Variants in NAALADL2 observed in about 807,000 individuals in gnomAD.
The protein encoded by NAALADL2 is N-acetylated alpha-linked acidic dipeptidase like 2.
In NAALADL2, 76 loss-of-function variants were observed where a neutral mutation model predicts 87.2. The ratio of observed to expected loss-of-function variants is 0.87; its 90% CI spans 0.72 to 1.05. The LOEUF (loss-of-function observed/expected upper bound fraction) is 1.05, where lower values mean the gene tolerates loss of function less well. Among genes scored for constraint, NAALADL2 ranks in the 50% least tolerant of loss-of-function variants. The pLI is 0.00. For missense variants in NAALADL2, 1,089 were observed against 945.8 expected, an observed-to-expected ratio of 1.15 and a Z score of -1.99; for synonymous variants, 354 against 331.0, an observed-to-expected ratio of 1.07 and a Z score of -0.75.
At chr3:175,359,540 T>G (rs968989354) in intron 5 of NAALADL2, among the ~76,000 whole-genome samples, 2 of 152,092 alleles carry the variant, frequency 1.3e-5, no homozygotes, top group African/African-American at 4.8e-5. Context: ...AATAATGACA[T>G]TTTTAATTCA....
intron 1 of NAALADL2, among the ~76,000 whole-genome samples, chr3:174,465,862 C>T (rs546173840): frequency 7.9e-5 from 12 of 152,064 alleles, no homozygotes; most frequent in African/African-American, 2.9e-4. Flanking sequence ...TTAATACCTC[C>T]ATTAGCCAGT....
chr3:175,217,285 G>A (rs779295447), intron 2 of NAALADL2, among the ~76,000 whole-genome samples: 9 of 152,156 alleles, frequency 5.9e-5, no homozygotes, highest in Non-Finnish European at 1.0e-4. Flanking sequence ...GAAACATGGA[G>A]GAAAGCTCGC....
At chr3:174,486,958 A>G (rs903240428) in intron 1 of NAALADL2, among the ~76,000 whole-genome samples, 4 of 151,982 alleles carry the variant, frequency 2.6e-5, no homozygotes, top group Non-Finnish European at 4.4e-5. Context: ...TTTTGGCCAT[A>G]GTCATTAATT....
chr3:175,632,306 CTCT>C (rs1560885071), intron 11 of NAALADL2, among the ~76,000 whole-genome samples: 2 of 142,424 alleles, frequency 1.4e-5, no homozygotes, highest in African/African-American at 2.7e-5. Flanking sequence ...CTCTCTCTCT[CTCT>C]CCTACTCCCT....
intron 11 of NAALADL2, 132 bp from the exon 12 acceptor site, chr3:175,737,174 T>C: frequency 1.8e-6 from 1 of 566,436 alleles, no homozygotes; most frequent in Non-Finnish European, 3.1e-6. Flanking sequence ...AAAGAGATTT[T>C]ATAAAACTAT....
chr3:175,245,407 A>G (rs935805588), intron 3 of NAALADL2, among the ~76,000 whole-genome samples: 2 of 152,194 alleles, frequency 1.3e-5, no homozygotes, highest in Non-Finnish European at 2.9e-5. Context: ...ATGGAAATGA[A>G]ATCCTGACAA....
At chr3:175,438,338 C>A (rs1034709710) in intron 5 of NAALADL2, among the ~76,000 whole-genome samples, 4 of 151,998 alleles carry the variant, frequency 2.6e-5, no homozygotes, top group Admixed American at 2.0e-4. Context: ...AAATGACTAA[C>A]CAATTTAGTG....
chr3:175,718,968 A>AT (rs1405648989), intron 11 of NAALADL2, among the ~76,000 whole-genome samples: 3 of 152,252 alleles, frequency 2.0e-5, no homozygotes, highest in East Asian at 1.9e-4. Flanking sequence ...CTAGCATTGA[A>AT]TTTTTTAAAG....
At chr3:175,640,982 CA>C (rs1466925627) in intron 11 of NAALADL2, among the ~76,000 whole-genome samples, 1 of 152,150 alleles carries the variant, frequency 6.6e-6, no homozygotes, top group East Asian at 1.9e-4. Context: ...CATTCTTTAG[CA>C]AATGACTGAG....
intron 2 of NAALADL2, among the ~76,000 whole-genome samples, chr3:174,678,602 G>A (rs990297838): frequency 6.6e-6 from 1 of 152,034 alleles, no homozygotes; most frequent in Non-Finnish European, 1.5e-5. Flanking sequence ...AAACATTTGA[G>A]TACTTTTCCA....
chr3:175,016,005 A>C (rs1407619180), intron 1 of NAALADL2, among the ~76,000 whole-genome samples: 2 of 151,676 alleles, frequency 1.3e-5, no homozygotes, highest in African/African-American at 4.8e-5. Flanking sequence ...TTTTCTTTGC[A>C]TTATAAATCC....
chr3:174,555,751 T>C (rs1027626812), intron 2 of NAALADL2, among the ~76,000 whole-genome samples: 3 of 152,208 alleles, frequency 2.0e-5, no homozygotes, highest in Non-Finnish European at 4.4e-5. Flanking sequence ...CTTCTGGGTA[T>C]AGGGGATGAC....
At chr3:174,729,461 TA>T (rs1164394413) in intron 2 of NAALADL2, among the ~76,000 whole-genome samples, 2 of 152,004 alleles carry the variant, frequency 1.3e-5, no homozygotes, top group Non-Finnish European at 2.9e-5. Context: ...TGGATTTAAG[TA>T]ATTAATGAAT....
chr3:175,213,986 G>C (rs1435848953), intron 2 of NAALADL2, among the ~76,000 whole-genome samples: 1 of 152,060 alleles, frequency 6.6e-6, no homozygotes, highest in South Asian at 2.1e-4. Flanking sequence ...TAATGGTTTT[G>C]TTAAAGTAAC....
intron 9 of NAALADL2, among the ~76,000 whole-genome samples, chr3:175,485,475 A>C (rs940481692): frequency 3.3e-5 from 5 of 152,294 alleles, no homozygotes; most frequent in African/African-American, 1.2e-4. Flanking sequence ...TGGGAGTCCC[A>C]AAACCTCAAA....
At chr3:174,588,650 C>T (rs914973666) in intron 2 of NAALADL2, among the ~76,000 whole-genome samples, 1 of 152,150 alleles carries the variant, frequency 6.6e-6, no homozygotes, top group Non-Finnish European at 1.5e-5. Context: ...CACTCCAGAC[C>T]CTGTTTGCCT....
At chr3:175,168,966 G>A (rs1290445407) in intron 2 of NAALADL2, among the ~76,000 whole-genome samples, 1 of 151,704 alleles carries the variant, frequency 6.6e-6, no homozygotes, top group Non-Finnish European at 1.5e-5. Context: ...TAGAGGAAGA[G>A]CAAAACAGGA....
At chr3:174,955,276 C>T (rs563201003) in intron 1 of NAALADL2, among the ~76,000 whole-genome samples, 3 of 152,046 alleles carry the variant, frequency 2.0e-5, no homozygotes, top group South Asian at 4.1e-4. Context: ...CTACCAATTT[C>T]CATAGTTATT....
intron 1 of NAALADL2, among the ~76,000 whole-genome samples, chr3:174,938,212 C>T (rs568471973): frequency 1.1e-4 from 17 of 151,950 alleles, no homozygotes; most frequent in Non-Finnish European, 2.1e-4. Flanking sequence ...GTGTCTGTTG[C>T]TTTATTCTTT....
Sources: gnomAD v4.1 joint callset for allele counts (sites outside exome capture counted in the v4.1 genomes callset) on GRCh38, gnomAD v4.1.1 for gene constraint, MANE v1.5 for transcripts, NCBI Gene and HGNC (gene_info 2026-07-23, HGNC 2026-07-21) for gene names.